Variants in SLC30A8 observed in about 807,000 individuals in gnomAD.
SLC30A8 encodes the protein proton-coupled zinc antiporter SLC30A8.
In SLC30A8, 27 loss-of-function variants were observed where a neutral mutation model predicts 36.9. That is an observed-to-expected ratio of 0.73 (90% CI 0.54 to 1.01). SLC30A8 has a LOEUF of 1.01. Among genes scored for constraint, SLC30A8 ranks in the 50% least tolerant of loss-of-function variants. The pLI, the probability that SLC30A8 is intolerant of heterozygous loss-of-function variation, is 0.00. For synonymous variants in SLC30A8, 164 were observed against 172.4 expected, an observed-to-expected ratio of 0.95 and a Z score of 0.38; for missense variants, 439 against 452.0, an observed-to-expected ratio of 0.97 and a Z score of 0.26.
intron 2 of SLC30A8, among the ~76,000 whole-genome samples, chr8:117,083,499 C>T (rs1818743164): frequency 6.6e-6 from 1 of 152,200 alleles, no homozygotes; most frequent in South Asian, 2.1e-4. Flanking sequence ...TTGGGTTGGT[C>T]AAGACCTTTG....
intron 2 of SLC30A8, among the ~76,000 whole-genome samples, chr8:117,121,868 G>A (rs753224199): frequency 1.9e-4 from 29 of 151,802 alleles, no homozygotes; most frequent in Non-Finnish European, 3.4e-4. Flanking sequence ...CTGTTGAGTG[G>A]GTATGAAGTT....
At chr8:117,009,158 C>T (rs1816267545) in intron 1 of SLC30A8, among the ~76,000 whole-genome samples, 3 of 152,182 alleles carry the variant, frequency 2.0e-5, no homozygotes, top group Admixed American at 1.3e-4. Context: ...TCAAACTAAA[C>T]TGCTGGACTT....
rs558087809 is a variant in SLC30A8 at position 117,029,144 on chromosome 8, T to C, written c.-265-10075T>C. Among the ~76,000 whole-genome samples the C allele has an allele frequency of 6.6e-5, 10 of 152,334 alleles. No individual in the cohort carries two copies. The East Asian group carries it at 1.5e-3, about 24-fold the overall frequency. ...TGCCGAACTATCCATTTTTCTAAGA[T>C]GGGCTACTTTGACCCTGCCAGGATT... On this transcript the variant is annotated intron_variant, in intron 1 of 10. Coordinates refer to the SLC30A8 transcript ENST00000427715.
rs771712748 is a variant in SLC30A8 at position 117,135,396 on chromosome 8, A to G, written c.69A>G (p.Glu23=). The G allele has an allele frequency of 6.3e-7, 1 of 1,586,870 alleles. No individual in the cohort carries two copies. The highest frequency in any genetic ancestry group is 1.2e-5 in the South Asian group (1 of 85,774). The change falls in exon 1 of 8, where the codon GAA becomes GAG. Residue 23 remains glutamate, a splice_region_variant and synonymous_variant. Coordinates refer to ENST00000456015, the MANE Select transcript of SLC30A8 (RefSeq NM_173851.3). ...CCAAGATGTATGCTTTCACACTAGA[A>G]AGGTAATAGATGTCTGTGTCTGCTT... ...KAAKMYAFTL[E]SVELQQKPVN...
intron 1 of SLC30A8, among the ~76,000 whole-genome samples, chr8:117,037,481 G>C (rs780205271): frequency 2.6e-5 from 4 of 152,148 alleles, no homozygotes; most frequent in Non-Finnish European, 5.9e-5. Flanking sequence ...GAATACGTGA[G>C]CAGGGGAGTC....
chr8:117,147,124 G>A lies in SLC30A8; in HGVS notation c.242G>A (p.Cys81Tyr). The change falls in exon 2 of 8, where the codon TGC becomes TAC. Residue 81 changes from cysteine (C) to tyrosine (Y), a missense_variant. Physicochemically the swap from Cys to Tyr is radical, Grantham distance 194 (BLOSUM62 -2). Transcript: ENST00000456015. ...AAACTCTGTTCTGCTTCAGCAATAT[G>A]CTTCATTTTCATGATTGCAGAGGTC... The part of the protein sequence containing the change: ...KWKLCSASAI[C>Y]FIFMIAEVVG... The A allele has an allele frequency of 6.2e-7, 1 of 1,614,002 alleles. No individual in the cohort carries two copies. Among genetic ancestry groups the A allele is most frequent in the Non-Finnish European group, 8.5e-7 (1 of 1,179,996 alleles).
rs778716564 is a variant in SLC30A8, at chr8:117,153,064, G to A, written c.392G>A (p.Arg131Gln). Reference protein sequence around the residue: ...LWLSSKPPSKRLTFGWHRAEI... With the variant: ...LWLSSKPPSKQLTFGWHRAEI... ...TTGTCATCGAAGCCTCCCTCTAAGC[G>A]GCTGACATTTGGATGGCACCGAGCA... The change falls in exon 3 of 8, where the codon CGG (arginine) becomes CAG (glutamine). Residue 131 changes from arginine to glutamine, a missense_variant. Transcript: ENST00000456015. The A allele has an allele frequency of 1.7e-5, 28 of 1,611,168 alleles. 1 individual carries two copies. Among genetic ancestry groups the A allele is most frequent in the Middle Eastern group, 1.6e-4 (1 of 6,070 alleles).
At chr8:116,971,095 C>CAAT (rs1487821015) in intron 1 of SLC30A8, among the ~76,000 whole-genome samples, 1 of 151,642 alleles carries the variant, frequency 6.6e-6, no homozygotes, top group Admixed American at 6.6e-5. Context: ...CTCTGTCTCA[C>CAAT]AATAACAACA....
chr8:117,095,554 T>G (rs1819325019), intron 2 of SLC30A8, among the ~76,000 whole-genome samples: 1 of 152,102 alleles, frequency 6.6e-6, no homozygotes, highest in Non-Finnish European at 1.5e-5. Flanking sequence ...GCTTTGCTCA[T>G]CTCCCAAACG....
intron 1 of SLC30A8, among the ~76,000 whole-genome samples, chr8:116,957,074 G>T (rs1041627580): frequency 6.6e-6 from 1 of 152,044 alleles, no homozygotes; most frequent in Non-Finnish European, 1.5e-5. Context: ...GAAAGACCCT[G>T]TCAGGGTACA....
At chr8:117,080,080 T>A (rs1437373066) in intron 2 of SLC30A8, among the ~76,000 whole-genome samples, 1 of 152,184 alleles carries the variant, frequency 6.6e-6, no homozygotes, top group Non-Finnish European at 1.5e-5. Context: ...AATTTTCTTT[T>A]CTTTTTGCTT....
At chr8:117,105,495 G>A (rs1273797436) in intron 2 of SLC30A8, among the ~76,000 whole-genome samples, 1 of 152,086 alleles carries the variant, frequency 6.6e-6, no homozygotes, top group Non-Finnish European at 1.5e-5. Flanking sequence ...CTTTATATGA[G>A]TGTGTATATT....
chr8:116,990,340 G>A (rs571974293), intron 1 of SLC30A8, among the ~76,000 whole-genome samples: 3 of 152,154 alleles, frequency 2.0e-5, no homozygotes, highest in Admixed American at 2.0e-4. Context: ...GCTCTACAGT[G>A]GAGGAATCTG....
chr8:117,134,689 G>C (rs1174065898), upstream of SLC30A8: 3 of 151,966 alleles, frequency 2.0e-5, 1 homozygote, highest in Non-Finnish European at 2.9e-5. Context: ...CCAATCAAAA[G>C]GATTTCAAAG....
chr8:117,011,155 G>T (rs1195437158), intron 1 of SLC30A8, among the ~76,000 whole-genome samples: 1 of 152,178 alleles, frequency 6.6e-6, no homozygotes, highest in Non-Finnish European at 1.5e-5. Context: ...CATAAGAACA[G>T]GAGCAAGAAA....
intron 2 of SLC30A8, among the ~76,000 whole-genome samples, chr8:117,078,859 C>T (rs1818573165): frequency 6.6e-6 from 1 of 151,924 alleles, no homozygotes; most frequent in Non-Finnish European, 1.5e-5. Context: ...AGCTAATTTT[C>T]TTATTTTTTG....
intron 1 of SLC30A8, among the ~76,000 whole-genome samples, chr8:117,034,007 C>A (rs1817134517): frequency 6.6e-6 from 1 of 152,142 alleles, no homozygotes; most frequent in African/African-American, 2.4e-5. Flanking sequence ...TGAAATAGGG[C>A]TGTGGAAGAT....
At chr8:117,013,477 T>C (rs1428314774) in intron 1 of SLC30A8, among the ~76,000 whole-genome samples, 1 of 152,154 alleles carries the variant, frequency 6.6e-6, no homozygotes, top group Non-Finnish European at 1.5e-5. Context: ...GCACCTAGCA[T>C]TGCTCTAGGG....
At chr8:116,956,485 A>C (rs1314344104) in intron 1 of SLC30A8, among the ~76,000 whole-genome samples, 4 of 152,250 alleles carry the variant, frequency 2.6e-5, no homozygotes, top group African/African-American at 9.6e-5. Flanking sequence ...TCTATACTAT[A>C]GTAAAAACTT....
Sources: allele counts gnomAD v4.1 joint callset (sites outside exome capture counted in the v4.1 genomes callset), GRCh38; gene constraint gnomAD v4.1.1; transcripts MANE v1.5; gene names NCBI Gene and HGNC (gene_info 2026-07-23, HGNC 2026-07-21).